Variants in RPS4Y1 observed in about 807,000 individuals in gnomAD.
RPS4Y1 encodes small ribosomal subunit protein eS4, Y isoform 1.
For missense variants in RPS4Y1, 30 were observed against 60.9 expected, an observed-to-expected ratio of 0.49 and a Z score of 1.69; for synonymous variants, 23 against 20.8, an observed-to-expected ratio of 1.10 and a Z score of -0.28.
chrY:2,853,874 C>A, intron 4 of RPS4Y1, among the ~76,000 whole-genome samples: 1 of 31,962 alleles, frequency 3.1e-5, no homozygotes, highest in East Asian at 8.0e-4. Flanking sequence ...CTCTTGTTGC[C>A]CAGGCTGGAG....
chrY:2,857,619 T>C (rs2051160895), intron 5 of RPS4Y1, among the ~76,000 whole-genome samples: 1 of 33,949 alleles, frequency 2.9e-5, no homozygotes, highest in Non-Finnish European at 7.3e-5. Flanking sequence ...TTTCGCCATG[T>C]TGGCCAGGCT....
At chrY:2,861,902 C>T in intron 5 of RPS4Y1, among the ~76,000 whole-genome samples, 8 of 31,782 alleles carry the variant, frequency 2.5e-4, no homozygotes, top group Non-Finnish European at 1.5e-4. Context: ...GCATAAGCCA[C>T]AGTGCCTGGC....
intron 4 of RPS4Y1, among the ~76,000 whole-genome samples, chrY:2,852,035 A>G (rs2051156602): frequency 6.0e-5 from 2 of 33,266 alleles, no homozygotes; most frequent in African/African-American, 2.4e-4. Flanking sequence ...GGCCATTCCT[A>G]TAGTCACCTT....
chrY:2,859,379 T>C (rs776129730), intron 5 of RPS4Y1, among the ~76,000 whole-genome samples: 1 of 33,767 alleles, frequency 3.0e-5, no homozygotes, highest in African/African-American at 1.2e-4. Context: ...TTCTCCCTTA[T>C]TACCTGCCTT....
At chrY:2,845,444 T>A in intron 3 of RPS4Y1, among the ~76,000 whole-genome samples, 2 of 33,487 alleles carry the variant, frequency 6.0e-5, no homozygotes, top group Non-Finnish European at 1.5e-4. Context: ...ATAAATGTAT[T>A]CACTTTCTTT....
chrY:2,860,110 T>A, intron 5 of RPS4Y1, among the ~76,000 whole-genome samples: 1 of 33,158 alleles, frequency 3.0e-5, no homozygotes, highest in Non-Finnish European at 7.4e-5. Context: ...AATAAAAATA[T>A]TTTACCCCAA....
chrY:2,856,683 G>A (rs2051160201), intron 5 of RPS4Y1, among the ~76,000 whole-genome samples: 1 of 31,076 alleles, frequency 3.2e-5, no homozygotes, highest in Non-Finnish European at 7.8e-5. Flanking sequence ...TGCAACCTCC[G>A]CTTCCTGGGT....
chrY:2,854,247 C>G, intron 4 of RPS4Y1: 1 of 57,374 alleles, frequency 1.7e-5, no homozygotes, highest in African/African-American at 1.1e-4. Context: ...AAATATGTCC[C>G]TGAGGAAAAA....
intron 2 of RPS4Y1, among the ~76,000 whole-genome samples, chrY:2,843,412 T>C: frequency 1.8e-4 from 6 of 33,619 alleles, no homozygotes; most frequent in Admixed American, 1.6e-3. Context: ...CGGTCTCCAT[T>C]GGAAGAGATT....
In RPS4Y1 at chrY:2,842,253, C is replaced by G; in HGVS notation, c.81+11C>G. On this transcript the variant is annotated intron_variant, in intron 2 of 6. Coordinates refer to ENST00000250784, the MANE Select transcript of RPS4Y1 (RefSeq NM_001008.4). ...CTAACGGGTGTATTTGTGAGTATAA[C>G]TTTGTTTTTTGTGGTTTTTTTTTGT... The G allele has an allele frequency of 2.6e-6, 1 of 387,303 alleles. No individual in the cohort carries two copies. Among genetic ancestry groups the G allele is most frequent in the Non-Finnish European group, 3.6e-6 (1 of 276,134 alleles).
intron 3 of RPS4Y1, among the ~76,000 whole-genome samples, chrY:2,845,156 G>A (rs2051151743): frequency 3.5e-5 from 1 of 28,909 alleles, no homozygotes; most frequent in African/African-American, 1.4e-4. Flanking sequence ...TTTTTTTTTA[G>A]CATTTTGCTT....
At chrY:2,849,152 A>C in intron 4 of RPS4Y1, among the ~76,000 whole-genome samples, 1 of 33,320 alleles carries the variant, frequency 3.0e-5, no homozygotes, top group Non-Finnish European at 7.4e-5. Context: ...TCTGTCTCTG[A>C]GAGTGCTCAG....
At chrY:2,850,937 A>G in intron 4 of RPS4Y1, among the ~76,000 whole-genome samples, 1 of 20,211 alleles carries the variant, frequency 4.9e-5, no homozygotes, top group Non-Finnish European at 1.1e-4. Flanking sequence ...TCCGCCTCCC[A>G]GGTTCACGCC....
intron 3 of RPS4Y1, 105 bp from the exon 4 acceptor site, chrY:2,845,541 C>G: frequency 4.9e-6 from 1 of 202,412 alleles, no homozygotes; most frequent in Non-Finnish European, 8.8e-6. Context: ...TCCTAGGCTG[C>G]TAAAACGTTC....
intron 3 of RPS4Y1, among the ~76,000 whole-genome samples, chrY:2,844,970 T>C: frequency 3.1e-5 from 1 of 32,010 alleles, no homozygotes; most frequent in Non-Finnish European, 7.6e-5. Context: ...CTTTTCATGG[T>C]GAAAGGCTCA....
chrY:2,852,257 A>G (rs2051156707), intron 4 of RPS4Y1, among the ~76,000 whole-genome samples: 2 of 33,604 alleles, frequency 6.0e-5, no homozygotes, highest in East Asian at 1.6e-3. Flanking sequence ...AGGCATTCCT[A>G]AAGTTAATTT....
rs1403648134 is a variant in RPS4Y1 at position 2,866,777 on chromosome Y, TC to T, written c.691-14del. On this transcript the variant is annotated splice_polypyrimidine_tract_variant and intron_variant, in intron 6 of 6. Transcript: ENST00000250784. ...CTTTCTTTCTGTACTTACTTTTATC[TC>T]CTCTTCTATTGCAGGGCAATAAACC... is the stretch of plus-strand genomic sequence containing the variant. 2 of 354,872 alleles carry T rather than the reference TC, an allele frequency of 5.6e-6. No homozygotes were observed. Among genetic ancestry groups the T allele is most frequent in the Non-Finnish European group, 8.2e-6 (2 of 244,862 alleles). 88.5% of individuals were successfully genotyped at this position (354,872 alleles called of 400,897 possible).
chrY:2,863,917 C>G, intron 5 of RPS4Y1, among the ~76,000 whole-genome samples: 1 of 33,709 alleles, frequency 3.0e-5, no homozygotes, highest in East Asian at 7.7e-4. Flanking sequence ...CTCTAACTCT[C>G]CAGTACAGTT....
At chrY:2,851,499 T>C in intron 4 of RPS4Y1, among the ~76,000 whole-genome samples, 1 of 33,600 alleles carries the variant, frequency 3.0e-5, no homozygotes, top group South Asian at 6.7e-4. Context: ...CAAACAAACC[T>C]GGAATCTTAG....
Sources: allele counts gnomAD v4.1 joint callset (sites outside exome capture counted in the v4.1 genomes callset), GRCh38; gene constraint gnomAD v4.1.1; transcripts MANE v1.5; gene names NCBI Gene and HGNC (gene_info 2026-07-23, HGNC 2026-07-21).